MYO5B: variants seen among roughly 807,000 people sequenced by gnomAD.
MYO5B encodes the protein unconventional myosin-Vb.
In MYO5B, 143 loss-of-function variants were observed where a neutral mutation model predicts 229.3. The ratio of observed to expected loss-of-function variants is 0.62; its 90% CI spans 0.54 to 0.72. The LOEUF (loss-of-function observed/expected upper bound fraction) is 0.72, where lower values mean the gene tolerates loss of function less well. Among genes scored for constraint, MYO5B ranks in the 30% least tolerant of loss-of-function variants. The pLI, the probability that MYO5B is intolerant of heterozygous loss-of-function variation, is 0.00. For missense variants in MYO5B, 2,321 were observed against 2,331.0 expected, an observed-to-expected ratio of 1.00 and a Z score of 0.09; for synonymous variants, 918 against 885.2, an observed-to-expected ratio of 1.04 and a Z score of -0.66.
At chr18:50,026,618 C>G (rs1008541273) in intron 4 of MYO5B, among the ~76,000 whole-genome samples, 4 of 152,190 alleles carry the variant, frequency 2.6e-5, no homozygotes, top group African/African-American at 9.7e-5. Flanking sequence ...TGAGGACAAC[C>G]TATAAATGGA....
At chr18:50,036,766 A>AG in intron 4 of MYO5B, 84 bp downstream of exon 4, 1 of 1,505,636 alleles carries the variant, frequency 6.6e-7, no homozygotes, top group Non-Finnish European at 9.2e-7. Context: ...CCTCACTGTG[A>AG]GCATCAGTTG....
intron 17 of MYO5B, among the ~76,000 whole-genome samples, chr18:49,925,083 C>T (rs1376531965): frequency 6.6e-6 from 1 of 152,196 alleles, no homozygotes; most frequent in Non-Finnish European, 1.5e-5. Context: ...TGGGGAGCTG[C>T]ACATGCCTCA....
intron 4 of MYO5B, among the ~76,000 whole-genome samples, chr18:50,004,538 G>A (rs1366997876): frequency 1.3e-5 from 2 of 152,140 alleles, no homozygotes; most frequent in African/African-American, 2.4e-5. Context: ...TAATTCAGAG[G>A]TAAAATGTCT....
chr18:49,961,016 A>G (rs1468603717), intron 12 of MYO5B, among the ~76,000 whole-genome samples: 1 of 152,186 alleles, frequency 6.6e-6, no homozygotes, highest in Non-Finnish European at 1.5e-5. Flanking sequence ...ATGGAGCTGG[A>G]GGAGACGGTT....
chr18:50,150,962 C>T (rs1240379065), intron 1 of MYO5B, among the ~76,000 whole-genome samples: 1 of 152,236 alleles, frequency 6.6e-6, no homozygotes, highest in Non-Finnish European at 1.5e-5. Flanking sequence ...AAGGCCTCTG[C>T]CCCTAAATGG....
At chr18:50,106,802 A>G (rs2031769758) in intron 1 of MYO5B, among the ~76,000 whole-genome samples, 1 of 152,240 alleles carries the variant, frequency 6.6e-6, no homozygotes, top group African/African-American at 2.4e-5. Flanking sequence ...TCACTGCTGT[A>G]TCGTCAGTGT....
At chr18:49,980,393 G>C (rs933881132) in intron 9 of MYO5B, 51 bp downstream of exon 9, 2 of 1,298,856 alleles carry the variant, frequency 1.5e-6, no homozygotes, top group African/African-American at 1.5e-5. Flanking sequence ...TCATATCAAA[G>C]AACAGGGTAA....
intron 39 of MYO5B, among the ~76,000 whole-genome samples, chr18:49,833,352 A>G (rs1035506936): frequency 6.6e-6 from 1 of 152,212 alleles, no homozygotes; most frequent in Admixed American, 6.5e-5. Context: ...TCTTTATCAC[A>G]CATGTGAGTT....
At chr18:50,068,024 CAT>C (rs879297784) in intron 1 of MYO5B, among the ~76,000 whole-genome samples, 28 of 124,198 alleles carry the variant, frequency 2.3e-4, no homozygotes, top group African/African-American at 7.8e-4. Context: ...CACGTACATA[CAT>C]ATATATATAC....
At position 49,880,273 on chromosome 18, in the gene MYO5B, C is replaced by CT. The variant is rs2024572159; in HGVS notation, c.3130+97dup. The CT allele has an allele frequency of 3.0e-6, 3 of 1,005,606 alleles. No individual in the cohort carries two copies. The East Asian group carries it at 7.2e-5, about 24-fold the overall frequency. 62.3% of individuals were successfully genotyped at this position (1,005,606 alleles called of 1,614,324 possible). On this transcript the variant is annotated intron_variant, in intron 23 of 39. Coordinates refer to ENST00000285039, the MANE Select transcript of MYO5B (RefSeq NM_001080467.3). The stretch of plus-strand genomic sequence containing the variant: ...ATTAAAATCCTTTCCCCACTGTAGC[C>CT]TCTAGTCTAACTGCATGCTTGCTAG...
At position 50,051,160 on chromosome 18, in the gene MYO5B, G is replaced by T. The variant is rs564382175; in HGVS notation, c.138+4108C>A. On this transcript the variant is annotated intron_variant, in intron 2 of 39. Transcript: ENST00000285039. ...TTTAAAATAGTAAATGTTTAACAAT[G>T]TTTTTAATTAAAAATATGAGATTTA... 3.7e-4 allele frequency among the ~76,000 whole-genome samples: 57 copies of T among 152,280 alleles called. 1 individual carries two copies. The East Asian group carries it at 8.1e-3, about 22-fold the overall frequency.
chr18:50,080,223 C>A (rs1038138629), intron 1 of MYO5B, among the ~76,000 whole-genome samples: 1 of 152,100 alleles, frequency 6.6e-6, no homozygotes, highest in African/African-American at 2.4e-5. Context: ...CCCTTGGGAG[C>A]AGACTGACAC....
intron 1 of MYO5B, chr18:50,063,999 A>G (rs2030756597): frequency 6.6e-6 from 1 of 152,328 alleles, no homozygotes; most frequent in African/African-American, 2.4e-5. Context: ...ATTTTATCCA[A>G]CTGGTTTATA....
chr18:50,020,356 C>T (rs112173629), intron 4 of MYO5B, among the ~76,000 whole-genome samples: 7 of 152,320 alleles, frequency 4.6e-5, no homozygotes, highest in South Asian at 2.1e-4. Context: ...AACTTCCCAC[C>T]ACCACATGCA....
chr18:50,065,873 G>T (rs1261891124), intron 1 of MYO5B, among the ~76,000 whole-genome samples: 1 of 152,090 alleles, frequency 6.6e-6, no homozygotes, highest in Non-Finnish European at 1.5e-5. Flanking sequence ...GGAAGGAGGT[G>T]GTTTCCAGGC....
chr18:50,053,191 A>T (rs2030448805), intron 2 of MYO5B, among the ~76,000 whole-genome samples: 1 of 152,224 alleles, frequency 6.6e-6, no homozygotes, highest in Non-Finnish European at 1.5e-5. Context: ...GCCCATGAGC[A>T]ACCTGGACAG....
intron 1 of MYO5B, among the ~76,000 whole-genome samples, chr18:50,174,732 G>T (rs1180637283): frequency 2.6e-5 from 4 of 152,092 alleles, no homozygotes; most frequent in Admixed American, 6.5e-5. Context: ...GCAGTGGTGT[G>T]GTAATATACA....
At chr18:49,864,765 T>C (rs2024377206) in intron 27 of MYO5B, among the ~76,000 whole-genome samples, 1 of 152,234 alleles carries the variant, frequency 6.6e-6, no homozygotes, top group South Asian at 2.1e-4. Flanking sequence ...TTTGTGACTT[T>C]CCAAGAAAAG....
At chr18:49,953,401 C>T in intron 13 of MYO5B, 58 bp from the exon 14 acceptor site, 1 of 1,430,776 alleles carries the variant, frequency 7.0e-7, no homozygotes, top group Non-Finnish European at 9.9e-7. Context: ...AGTTTCTCAA[C>T]CACTTTCATC....
Sources: gnomAD v4.1 joint callset for allele counts (sites outside exome capture counted in the v4.1 genomes callset) on GRCh38, gnomAD v4.1.1 for gene constraint, MANE v1.5 for transcripts, NCBI Gene and HGNC (gene_info 2026-07-23, HGNC 2026-07-21) for gene names.